SON: variants seen among roughly 807,000 people sequenced by gnomAD.
SON encodes the protein protein SON.
Under a neutral mutation model 173.3 loss-of-function variants are expected in SON, and 4 were observed. The ratio of observed to expected loss-of-function variants is 0.02; its 90% CI spans 0.01 to 0.05. The LOEUF is 0.05. SON is among the 10% of genes least tolerant of loss of function. The pLI, the probability that SON is intolerant of heterozygous loss-of-function variation, is 1.00. For synonymous variants in SON, 1,190 were observed against 1,105.9 expected, an observed-to-expected ratio of 1.08 and a Z score of -1.51; for missense variants, 2,626 against 3,055.3, an observed-to-expected ratio of 0.86 and a Z score of 3.31.
intron 3 of SON, among the ~76,000 whole-genome samples, chr21:33,555,803 T>G (rs1054915592): frequency 6.6e-6 from 1 of 152,228 alleles, no homozygotes; most frequent in Non-Finnish European, 1.5e-5. Flanking sequence ...TTTAAATAAG[T>G]TAACATATCT....
rs1411950400 is a variant in SON at position 33,552,059 on chromosome 21, G to T, written c.2828G>T (p.Arg943Met). The change falls in exon 3 of 12, where the codon AGG becomes ATG. Residue 943 changes from arginine to methionine, a missense_variant. Physicochemically the swap from Arg to Met is moderately conservative, Grantham distance 91 (BLOSUM62 -1). Coordinates refer to ENST00000356577, the MANE Select transcript of SON (RefSeq NM_138927.4). The surrounding 1 kb of genome is among the most constrained non-coding windows in gnomAD (Gnocchi z 5.6). Reference protein sequence around the residue: ...DPYRLGHDAYRLGQDPYRLGH... With the variant: ...DPYRLGHDAYMLGQDPYRLGH... ...TATAGATTAGGTCATGATGCTTACA[G>T]GTTAGGACAAGACCCTTATAGATTA... 6.2e-7 allele frequency: 1 copy of T among 1,614,096 alleles called. No individual in the cohort carries two copies. The highest frequency in any genetic ancestry group is 1.7e-5 in the Admixed American group (1 of 60,018).
intron 8 of SON, among the ~76,000 whole-genome samples, chr21:33,570,627 TATA>T (rs1406203842): frequency 6.6e-6 from 1 of 152,230 alleles, no homozygotes; most frequent in East Asian, 1.9e-4. Context: ...AAGTGATTTA[TATA>T]ATATTTGAAA....
intron 2 of SON, among the ~76,000 whole-genome samples, chr21:33,547,988 G>T (rs757585563): frequency 6.6e-6 from 1 of 151,984 alleles, no homozygotes; most frequent in Non-Finnish European, 1.5e-5. Context: ...CTCCCAAAGT[G>T]CTGGGATTAC....
rs1430563742 is a variant in SON, at chr21:33,552,096, C to T, written c.2865C>T (p.Pro955=). Residue 955 remains proline, a synonymous_variant, in exon 3 of 12, where the codon CCC becomes CCT. Coordinates refer to ENST00000356577, the MANE Select transcript of SON (RefSeq NM_138927.4). The surrounding 1 kb of genome is among the most constrained non-coding windows in gnomAD (Gnocchi z 5.6). ...ACCCTTATAGATTAGGCCATGATCC[C>T]TACAGACTAACTCCTGATCCCTATA... The part of the protein sequence containing the change: ...GQDPYRLGHD[P]YRLTPDPYRM... 1.2e-6 allele frequency: 2 copies of T among 1,613,894 alleles called. No individual in the cohort carries two copies. The highest frequency in any genetic ancestry group is 1.7e-6 in the Non-Finnish European group (2 of 1,179,986).
chr21:33,552,715 C>T lies in SON; in HGVS notation c.3484C>T (p.Pro1162Ser). ...GCCCCCAACAATGCCACCGTTGCCACCTGAGGAGCCACCAATGACACCACC... is the reference window on the plus strand; with the variant it reads ...GCCCCCAACAATGCCACCGTTGCCATCTGAGGAGCCACCAATGACACCACC... ...EEPPTMPPLP[P>S]EEPPMTPPLP... The change falls in exon 3 of 12, where the codon CCT (proline) becomes TCT (serine). Residue 1162 changes from proline (P) to serine (S), a missense_variant. Pro to Ser is a moderately conservative substitution (Grantham distance 74). This residue lies in a region of SON where 366 missense variants were observed against 448.6 expected (regional missense o/e 0.82). Coordinates refer to ENST00000356577, the MANE Select transcript of SON (RefSeq NM_138927.4). This position sits in a 1 kb window ranked among gnomAD's most constrained non-coding sequence, Gnocchi z 5.6. The T allele has an allele frequency of 1.2e-6, 2 of 1,614,038 alleles. No homozygotes were observed. Among genetic ancestry groups the T allele is most frequent in the Non-Finnish European group, 1.7e-6 (2 of 1,180,016 alleles).
rs367758542 is a variant in SON at position 33,543,188 on chromosome 21, C to A, written c.77+19C>A. On this transcript the variant is annotated intron_variant, in intron 1 of 11. Coordinates refer to ENST00000356577, the MANE Select transcript of SON (RefSeq NM_138927.4). ...TTTCCAGGTAAACGCCTCCCAGATT[C>A]TTCTGCTCCCAACGGACCGTTAGGC... The A allele has an allele frequency of 5.6e-6, 9 of 1,603,766 alleles. No homozygotes were observed. The highest frequency in any genetic ancestry group is 5.4e-5 in the African/African-American group (4 of 74,734).
chr21:33,567,501 A>G, intron 7 of SON: 1 of 494,464 alleles, frequency 2.0e-6, no homozygotes, highest in Non-Finnish European at 3.7e-6. Flanking sequence ...AGAACAAAAT[A>G]GAAAAATTTC....
chr21:33,560,708 G>GAGTC, intron 6 of SON: 1 of 687,676 alleles, frequency 1.5e-6, no homozygotes, highest in Non-Finnish European at 1.8e-6. Context: ...TGGGAGGGTG[G>GAGTC]AGTCTTAATA....
Position 33,559,681 on chromosome 21 carries a change from C to T in SON, c.6563C>T (p.Ala2188Val), listed in dbSNP as rs758559171. ...GGATCTCAACATCGGAAAAAAGAAG[C>T]GGATAGTGTTTATGGAGAATGGGTT... is the stretch of plus-strand genomic sequence containing the variant. ...SSGSQHRKKE[A>V]DSVYGEWVPV... The change falls in exon 6 of 12, where the codon GCG (alanine) becomes GTG (valine). Residue 2188 changes from alanine to valine, a missense_variant. Ala to Val is a moderately conservative substitution (Grantham distance 64). Transcript: ENST00000356577. The surrounding 1 kb of genome is among the most constrained non-coding windows in gnomAD (Gnocchi z 4.1). The T allele has an allele frequency of 1.4e-5, 23 of 1,613,674 alleles. No individual in the cohort carries two copies. The highest frequency in any genetic ancestry group is 3.3e-5 in the South Asian group (3 of 91,082).
intron 7 of SON, chr21:33,567,596 C>G: frequency 4.8e-6 from 1 of 209,606 alleles, no homozygotes. Flanking sequence ...TTAATAGTTG[C>G]CATATTTCAG....
In SON at chr21:33,546,305, C is replaced by G. The variant is rs1167594638; in HGVS notation, c.170C>G (p.Pro57Arg). The change falls in exon 2 of 12, where the codon CCA becomes CGA. Residue 57 changes from proline (P) to arginine (R), a missense_variant. Around this residue, in one of 13 missense-constraint regions of SON, gnomAD observed 757 missense variants for 730.1 expected, o/e 1.04. Transcript: ENST00000356577. ...GCAGCTGCCTCTGCCAGGAGTCTAC[C>G]AAATGAAGAAATAGTGCAGAAGATA... is the stretch of plus-strand genomic sequence containing the variant. ...GDAAASARSL[P>R]NEEIVQKIEE... 4.3e-6 allele frequency: 7 copies of G among 1,613,520 alleles called. No individual in the cohort carries two copies. The highest frequency in any genetic ancestry group is 4.5e-5 in the East Asian group (2 of 44,846).
In SON at chr21:33,553,615, C is replaced by G; in HGVS notation, c.4384C>G (p.Pro1462Ala). Residue 1462 changes from proline (P) to alanine (A), a missense_variant, in exon 3 of 12, where the codon CCA (proline) becomes GCA (alanine). By Grantham distance (27) the Pro-to-Ala change is conservative. Around this residue, in one of 13 missense-constraint regions of SON, gnomAD observed 1,006 missense variants for 895.6 expected, o/e 1.12. Transcript: ENST00000356577. ...AGTCTCAGAGCAGACTCAAGTAATA[C>G]CAACTGAGGTGGCTATAGAGTCCAC... is the stretch of plus-strand genomic sequence containing the variant. ...VTVSEQTQVIPTEVAIESTPM... is the reference protein window; with the variant it reads ...VTVSEQTQVIATEVAIESTPM... 6.2e-7 allele frequency: 1 copy of G among 1,613,824 alleles called. No individual in the cohort carries two copies. The highest frequency in any genetic ancestry group is 8.5e-7 in the Non-Finnish European group (1 of 1,179,864).
rs774557128 is a variant in SON at position 33,550,266 on chromosome 21, C to T, written c.1035C>T (p.Asp345=). ...EALRLPEQPV[D]VPSEIADSSM... The stretch of plus-strand genomic sequence containing the variant: ...TAAGATTGCCAGAGCAGCCTGTAGA[C>T]GTACCATCGGAGATTGCAGATTCAT... The change falls in exon 3 of 12, where the codon GAC becomes GAT. Residue 345 remains aspartate (D), a synonymous_variant. Transcript: ENST00000356577. The T allele has an allele frequency of 1.7e-5, 28 of 1,613,814 alleles. No individual in the cohort carries two copies. Among genetic ancestry groups the T allele is most frequent in the Admixed American group, 8.3e-5 (5 of 59,998 alleles).
At chr21:33,555,866 G>A (rs1376994663) in intron 3 of SON, among the ~76,000 whole-genome samples, 1 of 152,144 alleles carries the variant, frequency 6.6e-6, no homozygotes, top group African/African-American at 2.4e-5. Context: ...TGGTATAGTT[G>A]GTAATGGAAG....
intron 4 of SON, chr21:33,557,709 A>G: frequency 7.0e-7 from 1 of 1,435,120 alleles, no homozygotes; most frequent in Non-Finnish European, 9.1e-7. Context: ...GACAATCTTC[A>G]GAAATGATCT....
At chr21:33,565,680 CTT>C (rs759246961) in intron 6 of SON, among the ~76,000 whole-genome samples, 4 of 152,152 alleles carry the variant, frequency 2.6e-5, no homozygotes, top group East Asian at 1.9e-4. Context: ...CTTAAATCAA[CTT>C]AGCGAAATTA....
In SON at chr21:33,543,101, C is replaced by T. The variant is rs150788122; in HGVS notation, c.9C>T (p.Thr3=). 4.4e-5 allele frequency: 71 copies of T among 1,614,112 alleles called. No homozygotes were observed. The African/African-American group carries it at 7.3e-4, about 17-fold the overall frequency. ...AGAACGGAGCGGACGCCATGGCGAC[C>T]AACATCGAGCAGATTTTTAGGTCTT... MA[T]NIEQIFRSFV... The change falls in exon 1 of 12, where the codon ACC becomes ACT. Residue 3 remains threonine (T), a synonymous_variant. Transcript: ENST00000356577.
rs2085917723 is a variant in SON, at chr21:33,554,679, G to A, written c.5448G>A (p.Lys1816=). Residue 1816 remains lysine, a synonymous_variant, in exon 3 of 12, where the codon AAG becomes AAA. Transcript: ENST00000356577. ...NKNRDKGEKE[K]KRDSSLRSRS... ...ACCGTGATAAGGGGGAGAAAGAGAA[G>A]AAAAGAGACTCTTCATTAAGATCTC... is the stretch of plus-strand genomic sequence containing the variant. 6.2e-7 allele frequency: 1 copy of A among 1,613,774 alleles called. No homozygotes were observed. The highest frequency in any genetic ancestry group is 1.7e-5 in the Admixed American group (1 of 59,990).
Position 33,577,357 on chromosome 21 carries a change from A to AGTT in SON, c.*934_*936dup, listed in dbSNP as rs1456158820. On this transcript the variant is annotated 3_prime_UTR_variant, in exon 12 of 12. Transcript: ENST00000356577. ...TTTTGTTGACTATGAGAAAGTTAAA[A>AGTT]GTTTATGTTAATTTTTAGGGTCTGA... is the stretch of plus-strand genomic sequence containing the variant. 1 of 152,580 alleles carries AGTT rather than the reference A, an allele frequency of 6.6e-6. No homozygotes were observed. Among genetic ancestry groups the AGTT allele is most frequent in the Non-Finnish European group, 1.5e-5 (1 of 68,038 alleles). 9.5% of individuals were successfully genotyped at this position (152,580 alleles called of 1,614,324 possible).
Sources: gnomAD v4.1 joint callset for allele counts (sites outside exome capture counted in the v4.1 genomes callset) on GRCh38, gnomAD v4.1.1 for gene constraint, gnomAD v4.1.1 regional missense constraint, Gnocchi (gnomAD v3.1) non-coding constraint, MANE v1.5 for transcripts, NCBI Gene and HGNC (gene_info 2026-07-23, HGNC 2026-07-21) for gene names.